Variants in BAHCC1 observed in about 807,000 individuals in gnomAD.
BAHCC1 encodes the protein BAH domain and coiled-coil containing 1.
Under a neutral mutation model 88.2 loss-of-function variants are expected in BAHCC1, and 43 were observed. That is an observed-to-expected ratio of 0.49 (90% CI 0.38 to 0.63). The LOEUF is 0.63. Among genes scored for constraint, BAHCC1 ranks in the 20% least tolerant of loss-of-function variants. The pLI is 0.00. For missense variants in BAHCC1, 3,023 were observed against 1,654.8 expected, an observed-to-expected ratio of 1.83 and a Z score of -14.34; for synonymous variants, 1,510 against 745.5, an observed-to-expected ratio of 2.03 and a Z score of -16.71.
chr17:81,418,752 C>CGT (rs375715066), intron 2 of BAHCC1, among the ~76,000 whole-genome samples: 3 of 118,984 alleles, frequency 2.5e-5, no homozygotes, highest in African/African-American at 9.1e-5. Context: ...CACCCACAGA[C>CGT]GTGTGTGTGT....
chr17:81,406,765 T>G (rs909743186), intron 2 of BAHCC1, among the ~76,000 whole-genome samples: 3 of 152,068 alleles, frequency 2.0e-5, no homozygotes, highest in African/African-American at 7.2e-5. Context: ...GGGGATGTGG[T>G]GGCAGGCGCT....
At chr17:81,401,248 G>C (rs527964478) in intron 2 of BAHCC1, 4 of 152,806 alleles carry the variant, frequency 2.6e-5, no homozygotes, top group African/African-American at 9.6e-5. Context: ...AGCATTTGCA[G>C]CGCCAGGAGA....
chr17:81,445,701 C>T lies in BAHCC1; in HGVS notation c.3163+20C>T. 1 of 718,618 alleles carries T rather than the reference C, an allele frequency of 1.4e-6. No individual in the cohort carries two copies. Among genetic ancestry groups the T allele is most frequent in the South Asian group, 1.5e-5 (1 of 67,440 alleles). 44.5% of individuals were successfully genotyped at this position (718,618 alleles called of 1,614,324 possible). A position where few individuals can be genotyped will look rare whatever the true frequency, so the allele number is the denominator to read the frequency against. ...AACCAGGTGAGAGTAGCCGCCTGGC[C>T]CGGCCCACTGTGCTCCGCTCCAAGC... On this transcript the variant is annotated intron_variant, in intron 10 of 27. Coordinates refer to ENST00000675386, the MANE Select transcript of BAHCC1 (RefSeq NM_001377448.1).
rs782007533 is a variant in BAHCC1, at chr17:81,461,589, G to A, written c.6926G>A (p.Arg2309His). ...GPGLAAGVPS[R>H]FLARLSVSSS... ...GGGCTGGCGGCCGGCGTGCCCTCCC[G>A]CTTCCTCGCCCGCCTGTCCGTGTCC... is the stretch of plus-strand genomic sequence containing the variant. Residue 2309 changes from arginine (R) to histidine (H), a missense_variant, in exon 26 of 28, where the codon CGC (arginine) becomes CAC (histidine). Physicochemically the swap from Arg to His is conservative, Grantham distance 29 (BLOSUM62 0). Transcript: ENST00000675386. The A allele has an allele frequency of 5.3e-5, 38 of 720,708 alleles. No individual in the cohort carries two copies. The highest frequency in any genetic ancestry group is 7.7e-5 in the Non-Finnish European group (30 of 387,494). 44.6% of individuals were successfully genotyped at this position (720,708 alleles called of 1,614,324 possible). A position where few individuals can be genotyped will look rare whatever the true frequency, so the allele number is the denominator to read the frequency against.
rs539825918 is a variant in BAHCC1 at position 81,442,400 on chromosome 17, G to A, written c.1051G>A (p.Ala351Thr). ...RQMLHHTASY[A>T]GPPPPLSTAA... ...GATGCTACACCACACCGCATCCTAC[G>A]CCGGGCCACCCCCGCCCCTCAGCAC... Residue 351 changes from alanine to threonine, a missense_variant, in exon 5 of 28, where the codon GCC becomes ACC. Transcript: ENST00000675386. 6.9e-5 allele frequency: 48 copies of A among 698,534 alleles called. No homozygotes were observed. The highest frequency in any genetic ancestry group is 6.1e-4 in the Admixed American group (29 of 47,514). The allele number at this position is 698,534 out of a possible 1,614,324, so 43.3% of individuals were successfully genotyped here.
chr17:81,457,411 C>T lies in BAHCC1; in HGVS notation c.4860C>T (p.Gly1620=), dbSNP rs782795203. ...AGGACCCCTCTGCCTCTCTCCCAGG[C>T]AGTGGCTATGACAGTGAGGACTGCG... The part of the protein sequence containing the change: ...QPSVAASQEA[G]SGYDSEDCEG... Residue 1620 remains glycine, a splice_region_variant and synonymous_variant, in exon 17 of 28, where the codon GGC becomes GGT. Transcript: ENST00000675386. The T allele has an allele frequency of 2.6e-6, 2 of 768,144 alleles. No individual in the cohort carries two copies. The highest frequency in any genetic ancestry group is 2.8e-5 in the South Asian group (2 of 72,374). The allele number at this position is 768,144 out of a possible 1,614,324, so 47.6% of individuals were successfully genotyped here.
Position 81,426,918 on chromosome 17 carries a change from G to A in BAHCC1, c.297G>A (p.Glu99=). 2.5e-6 allele frequency: 1 copy of A among 398,908 alleles called. No individual in the cohort carries two copies. The highest frequency in any genetic ancestry group is 4.4e-6 in the Non-Finnish European group (1 of 226,332). The allele number at this position is 398,908 out of a possible 1,614,324, so 24.7% of individuals were successfully genotyped here. A position where few individuals can be genotyped will look rare whatever the true frequency, so the allele number is the denominator to read the frequency against. ...HPSGPSSSPP[E]QAYRGSHPTT... ...GCGGCCCCAGCTCCTCCCCCCCTGA[G>A]CAGGCCTACCGTGGCTCCCACCCCA... Residue 99 remains glutamate (E), a synonymous_variant, in exon 3 of 28, where the codon GAG becomes GAA. Transcript: ENST00000675386.
chr17:81,420,233 T>C (rs2064100029), intron 2 of BAHCC1, among the ~76,000 whole-genome samples: 1 of 152,210 alleles, frequency 6.6e-6, no homozygotes, highest in Admixed American at 6.5e-5. Flanking sequence ...GGAAGACAGG[T>C]TGGCAGGAGG....
Position 81,461,668 on chromosome 17 carries a change from C to T in BAHCC1, c.7005C>T (p.Ser2335=), listed in dbSNP as rs1332095391. The T allele has an allele frequency of 9.6e-6, 7 of 729,090 alleles. No homozygotes were observed. The highest frequency in any genetic ancestry group is 1.8e-5 in the Non-Finnish European group (7 of 391,588). 45.2% of individuals were successfully genotyped at this position (729,090 alleles called of 1,614,324 possible). A position where few individuals can be genotyped will look rare whatever the true frequency, so the allele number is the denominator to read the frequency against. The change falls in exon 26 of 28, where the codon TCC becomes TCT. Residue 2335 remains serine (S), a synonymous_variant. Transcript: ENST00000675386. The part of the protein sequence containing the change: ...TSSSSGSVST[S]SLCSSDNEDS... The stretch of plus-strand genomic sequence containing the variant: ...CCTCCTCAGGCTCCGTGTCCACCTC[C>T]AGCCTCTGCTCCTCCGACAACGAGG...
intron 2 of BAHCC1, among the ~76,000 whole-genome samples, chr17:81,424,903 G>A (rs1043753593): frequency 6.6e-6 from 1 of 151,510 alleles, no homozygotes; most frequent in Non-Finnish European, 1.5e-5. Flanking sequence ...AATGTGGTTG[G>A]TGGTGATGTG....
intron 2 of BAHCC1, among the ~76,000 whole-genome samples, chr17:81,418,810 C>CGTGTGTGTGTGTACGTGTGT (rs2064074747): frequency 1.4e-5 from 2 of 146,332 alleles, no homozygotes; most frequent in East Asian, 4.0e-4. Context: ...TGTGTGTGTA[C>CGTGTGTGTGTGTACGTGTGT]GTGTGTGTGT....
At chr17:81,421,944 G>A (rs1278266649) in intron 2 of BAHCC1, 3 of 431,122 alleles carry the variant, frequency 7.0e-6, no homozygotes, top group Non-Finnish European at 9.3e-6. Flanking sequence ...GCTGTGCCCA[G>A]AAGTGGTCCC....
At position 81,422,497 on chromosome 17, in the gene BAHCC1, G is replaced by A. The variant is rs575586695; in HGVS notation, c.179-4303G>A. 2.0e-5 allele frequency among the ~76,000 whole-genome samples: 3 copies of A among 152,372 alleles called. No individual in the cohort carries two copies. In the East Asian group the frequency reaches 5.8e-4, roughly 29 times the overall value. On this transcript the variant is annotated intron_variant, in intron 2 of 27. Transcript: ENST00000675386. Reference sequence around the variant, plus strand: ...GACAGCACTTTGGGACCCCCAGCTTGGTGAGGCTGGTCAGGTGCAGGGAGG... The same window carrying A: ...GACAGCACTTTGGGACCCCCAGCTTAGTGAGGCTGGTCAGGTGCAGGGAGG...
At position 81,458,195 on chromosome 17, in the gene BAHCC1, A is replaced by G. The variant is rs1479945848; in HGVS notation, c.5072A>G (p.Glu1691Gly). Residue 1691 changes from glutamate (E) to glycine (G), a missense_variant, in exon 18 of 28, where the codon GAG becomes GGG. Coordinates refer to ENST00000675386, the MANE Select transcript of BAHCC1 (RefSeq NM_001377448.1). ...TGCCGCCTGTCCAGCCCTGAGAGTG[A>G]GGTCAAGATCAAGAGGCGGTCGGTG... ...GACRLSSPES[E>G]VKIKRRSVKA... 1 of 725,600 alleles carries G rather than the reference A, an allele frequency of 1.4e-6. No homozygotes were observed. The allele number at this position is 725,600 out of a possible 1,614,324, so 44.9% of individuals were successfully genotyped here. A position where few individuals can be genotyped will look rare whatever the true frequency, so the allele number is the denominator to read the frequency against.
At chr17:81,422,329 C>T (rs1335528937) in intron 2 of BAHCC1, among the ~76,000 whole-genome samples, 3 of 152,296 alleles carry the variant, frequency 2.0e-5, no homozygotes, top group African/African-American at 4.8e-5. Flanking sequence ...GCTTTATTAC[C>T]TGAGCTTATT....
intron 16 of BAHCC1, among the ~76,000 whole-genome samples, 172 bp downstream of exon 16, chr17:81,456,757 T>C (rs2064757156): frequency 6.6e-6 from 1 of 151,414 alleles, no homozygotes; most frequent in Admixed American, 6.6e-5. Flanking sequence ...GAGATGAAGG[T>C]CTCACGGAAG....
rs200336497 is a variant in BAHCC1 at position 81,460,572 on chromosome 17, G to T, written c.6068G>T (p.Arg2023Leu). The change falls in exon 25 of 28, where the codon CGG becomes CTG. Residue 2023 changes from arginine to leucine, a missense_variant. Physicochemically the swap from Arg to Leu is moderately radical, Grantham distance 102. Coordinates refer to ENST00000675386, the MANE Select transcript of BAHCC1 (RefSeq NM_001377448.1). ...GCCCTGCTAGTGTCTAGCAGCTGCC[G>T]GAGGACCAAGAAGGTATCCAGTGAG... is the stretch of plus-strand genomic sequence containing the variant. ...SPALLVSSSC[R>L]RTKKVSSEAP... is the part of the protein sequence containing the mutation. 4 of 767,954 alleles carry T rather than the reference G, an allele frequency of 5.2e-6. No individual in the cohort carries two copies. Among genetic ancestry groups the T allele is most frequent in the South Asian group, 4.1e-5 (3 of 72,788 alleles). The allele number at this position is 767,954 out of a possible 1,614,324, so 47.6% of individuals were successfully genotyped here.
In BAHCC1 at chr17:81,399,910, G is replaced by C; in HGVS notation, c.171G>C (p.Ser57=). 1.4e-6 allele frequency: 2 copies of C among 1,442,200 alleles called. No individual in the cohort carries two copies. Among genetic ancestry groups the C allele is most frequent in the Non-Finnish European group, 1.8e-6 (2 of 1,094,354 alleles). The allele number at this position is 1,442,200 out of a possible 1,614,324, so 89.3% of individuals were successfully genotyped here. ...TCCCGTCGCCGTTGCCCATGGCTTCGCACACAGGTCAGTGCTCGGCCGGGG... is the reference window on the plus strand; with the variant it reads ...TCCCGTCGCCGTTGCCCATGGCTTCCCACACAGGTCAGTGCTCGGCCGGGG... ...KYFPSPLPMA[S]HTASSRLMGS... is the part of the protein sequence containing the mutation. Residue 57 remains serine, a synonymous_variant, in exon 2 of 28, where the codon TCG becomes TCC. Transcript: ENST00000675386. The surrounding 1 kb of genome is among the most constrained non-coding windows in gnomAD (Gnocchi z 4.5).
rs2063778268 is a variant in BAHCC1, at chr17:81,399,148, T to TGTGTGTGCGA, written c.-206-381_-206-380insTGCGAGTGTG. ...GTGTGAGTGTGTGTGTGTGTGTGTG[T>TGTGTGTGCGA]GTGTGCGAGTGTGCGTGATGGCTTC... On this transcript the variant is annotated intron_variant, in intron 1 of 27. Coordinates refer to ENST00000675386, the MANE Select transcript of BAHCC1 (RefSeq NM_001377448.1). The surrounding 1 kb of genome is among the most constrained non-coding windows in gnomAD (Gnocchi z 4.5). 3 of 373,932 alleles carry TGTGTGTGCGA rather than the reference T, an allele frequency of 8.0e-6. No individual in the cohort carries two copies. Among genetic ancestry groups the TGTGTGTGCGA allele is most frequent in the Non-Finnish European group, 1.6e-5 (3 of 185,614 alleles). 23.2% of individuals were successfully genotyped at this position (373,932 alleles called of 1,614,324 possible).
Sources: gnomAD v4.1 joint callset for allele counts (sites outside exome capture counted in the v4.1 genomes callset) on GRCh38, gnomAD v4.1.1 for gene constraint, Gnocchi (gnomAD v3.1) non-coding constraint, MANE v1.5 for transcripts, NCBI Gene and HGNC (gene_info 2026-07-23, HGNC 2026-07-21) for gene names.